ATF7IP: variants seen among roughly 807,000 people sequenced by gnomAD.
The protein encoded by ATF7IP is activating transcription factor 7 interacting protein.
ATF7IP carries 23 observed loss-of-function variants against 106.4 expected under a neutral mutation model. That is an observed-to-expected ratio of 0.22 (90% CI 0.16 to 0.31). The LOEUF (loss-of-function observed/expected upper bound fraction) is 0.31, where lower values mean the gene tolerates loss of function less well. Among genes scored for constraint, ATF7IP ranks in the 10% least tolerant of loss-of-function variants. ATF7IP has a pLI of 1.00. For synonymous variants in ATF7IP, 542 were observed against 539.0 expected (o/e 1.01, Z -0.08); for missense variants, 1,334 against 1,524.3 (o/e 0.88, Z 2.08).
intron 10 of ATF7IP, among the ~76,000 whole-genome samples, chr12:14,468,822 A>C (rs1480627006): frequency 6.6e-6 from 1 of 152,230 alleles, no homozygotes; most frequent in Non-Finnish European, 1.5e-5. Flanking sequence ...CTTGTCAGCC[A>C]GAATTTTTTG....
intron 2 of ATF7IP, among the ~76,000 whole-genome samples, chr12:14,432,404 T>C (rs1942185403): frequency 6.6e-6 from 1 of 152,216 alleles, no homozygotes; most frequent in Non-Finnish European, 1.5e-5. Context: ...TGTGATCTGT[T>C]TACAAGAAAG....
rs771130481 is a variant in ATF7IP at position 14,460,521 on chromosome 12, C to G, written c.2185C>G (p.Pro729Ala). The G allele has an allele frequency of 6.2e-7, 1 of 1,614,032 alleles. No individual in the cohort carries two copies. Among genetic ancestry groups the G allele is most frequent in the Non-Finnish European group, 8.5e-7 (1 of 1,179,960 alleles). Reference sequence around the variant, plus strand: ...ATCTTCAACCAATCTTGTCACTCCTCCAGCAGTTGTCAGTAGTCAACCTAA... The same window carrying G: ...ATCTTCAACCAATCTTGTCACTCCTGCAGCAGTTGTCAGTAGTCAACCTAA... ...TVSSTNLVTP[P>A]AVVSSQPKLQ... Residue 729 changes from proline (P) to alanine (A), a missense_variant, in exon 9 of 15, where the codon CCA becomes GCA. Transcript: ENST00000261168.
intron 9 of ATF7IP, among the ~76,000 whole-genome samples, chr12:14,463,712 G>A (rs1358407195): frequency 6.6e-6 from 1 of 152,194 alleles, no homozygotes; most frequent in East Asian, 1.9e-4. Context: ...GGTAGGAATA[G>A]TGTTAGGAAG....
intron 13 of ATF7IP, among the ~76,000 whole-genome samples, chr12:14,486,430 TG>T (rs998418284): frequency 6.6e-6 from 1 of 152,038 alleles, no homozygotes; most frequent in Non-Finnish European, 1.5e-5. Context: ...AGGAATGTAG[TG>T]GGGTCTTTCC....
At chr12:14,427,329 G>T (rs574894812) in intron 2 of ATF7IP, among the ~76,000 whole-genome samples, 4 of 150,954 alleles carry the variant, frequency 2.6e-5, no homozygotes, top group African/African-American at 4.9e-5. Context: ...TGCTATATTG[G>T]CTCTGCTGTA....
chr12:14,368,549 C>T (rs1397669071), intron 1 of ATF7IP, among the ~76,000 whole-genome samples: 2 of 152,094 alleles, frequency 1.3e-5, no homozygotes, highest in Non-Finnish European at 2.9e-5. Context: ...TACTATACCT[C>T]AGAATATTTC....
chr12:14,488,241 TA>T (rs35230856), intron 13 of ATF7IP, among the ~76,000 whole-genome samples: 3,078 of 152,122 alleles, frequency 0.02, 35 homozygotes, highest in Middle Eastern at 0.031. Context: ...AGATATAGTA[TA>T]TTTTTATATA....
chr12:14,478,285 G>T (rs1353169229), intron 11 of ATF7IP, 32 bp from the exon 12 acceptor site: 3 of 1,594,046 alleles, frequency 1.9e-6, no homozygotes, highest in Admixed American at 1.7e-5. Context: ...TTTTTTTCTT[G>T]TCAGTCATAA....
At chr12:14,473,290 CTGTG>C (rs869266316) in intron 10 of ATF7IP, among the ~76,000 whole-genome samples, 1 of 129,942 alleles carries the variant, frequency 7.7e-6, no homozygotes, top group African/African-American at 3.0e-5. Flanking sequence ...CTCTCTCTCT[CTGTG>C]TGTGTGTGTG....
intron 1 of ATF7IP, among the ~76,000 whole-genome samples, chr12:14,412,000 T>C (rs117305587): frequency 6.6e-6 from 1 of 152,204 alleles, no homozygotes; most frequent in Non-Finnish European, 1.5e-5. Context: ...TTCTTTTGCA[T>C]GTGGCTATCC....
rs932727135 is a variant in ATF7IP, at chr12:14,499,613, T to C, written c.*1540T>C. The stretch of plus-strand genomic sequence containing the variant: ...TAACCTTTTAACTTTGTTTTGATGG[T>C]GCCAAGTTGAGTCTGATGTACCCAT... On this transcript the variant is annotated 3_prime_UTR_variant, in exon 15 of 15. Coordinates refer to ENST00000261168, the MANE Select transcript of ATF7IP (RefSeq NM_018179.5). 3 of 152,356 alleles carry C rather than the reference T, an allele frequency of 2.0e-5. No homozygotes were observed. Among genetic ancestry groups the C allele is most frequent in the African/African-American group, 7.2e-5 (3 of 41,578 alleles). The allele number at this position is 152,356 out of a possible 1,614,324, so 9.4% of individuals were successfully genotyped here. A position where few individuals can be genotyped will look rare whatever the true frequency, so the allele number is the denominator to read the frequency against.
intron 1 of ATF7IP, among the ~76,000 whole-genome samples, chr12:14,371,507 T>C (rs149778249): frequency 0.013 from 1,951 of 152,202 alleles, 42 homozygotes; most frequent in Middle Eastern, 0.048. Context: ...TTCTAGACTA[T>C]AACAGATGAG....
At position 14,478,394 on chromosome 12, in the gene ATF7IP, C is replaced by A. The variant is rs756583254; in HGVS notation, c.3019C>A (p.Gln1007Lys). Reference sequence around the variant, plus strand: ...TGTGTCACGACCATTGCAACCCATACAACCAGCACCGCCTCTTCAACCATC... The same window carrying A: ...TGTGTCACGACCATTGCAACCCATAAAACCAGCACCGCCTCTTCAACCATC... Reference protein sequence around the residue: ...QPVSRPLQPIQPAPPLQPSGV... With the variant: ...QPVSRPLQPIKPAPPLQPSGV... The change falls in exon 12 of 15, where the codon CAA becomes AAA. Residue 1007 changes from glutamine (Q) to lysine (K), a missense_variant. Around this residue, in one of 10 missense-constraint regions of ATF7IP, gnomAD observed 370 missense variants for 401.2 expected, o/e 0.92. Transcript: ENST00000261168. 1.2e-6 allele frequency: 2 copies of A among 1,614,114 alleles called. No individual in the cohort carries two copies. Among genetic ancestry groups the A allele is most frequent in the South Asian group, 2.2e-5 (2 of 91,078 alleles).
intron 1 of ATF7IP, chr12:14,417,017 G>A (rs1164199772): frequency 1.1e-6 from 1 of 905,824 alleles, no homozygotes; most frequent in Non-Finnish European, 1.3e-6. Context: ...TTAAAACTTG[G>A]TTATTAAGAA....
chr12:14,470,429 A>G (rs1249021564), intron 10 of ATF7IP, among the ~76,000 whole-genome samples: 5 of 152,194 alleles, frequency 3.3e-5, no homozygotes, highest in Non-Finnish European at 7.3e-5. Flanking sequence ...TTGTAAAAAC[A>G]TAAACGTGTT....
intron 4 of ATF7IP, among the ~76,000 whole-genome samples, chr12:14,437,149 G>A (rs1281769246): frequency 2.0e-5 from 3 of 152,068 alleles, no homozygotes. Context: ...AAAATATTCA[G>A]TATTTTATGT....
intron 2 of ATF7IP, among the ~76,000 whole-genome samples, chr12:14,428,733 T>C (rs569670155): frequency 1.3e-5 from 2 of 152,320 alleles, no homozygotes; most frequent in Non-Finnish European, 2.9e-5. Context: ...CAGGCACTTG[T>C]TGAGCAAATA....
chr12:14,442,843 A>T (rs1315292373), intron 5 of ATF7IP, among the ~76,000 whole-genome samples: 1 of 152,132 alleles, frequency 6.6e-6, no homozygotes, highest in Non-Finnish European at 1.5e-5. Context: ...TGTACCAATG[A>T]AATCTGTTGT....
At chr12:14,457,129 A>G in intron 7 of ATF7IP, 78 bp from the exon 8 acceptor site, 1 of 1,251,950 alleles carries the variant, frequency 8.0e-7, no homozygotes, top group Non-Finnish European at 1.1e-6. Context: ...CCTGTGGGCC[A>G]CTGCTTATTC....
Sources: allele counts gnomAD v4.1 joint callset (sites outside exome capture counted in the v4.1 genomes callset), GRCh38; gene constraint gnomAD v4.1.1; regional missense constraint gnomAD v4.1.1; transcripts MANE v1.5; gene names NCBI Gene and HGNC (gene_info 2026-07-23, HGNC 2026-07-21).